Variants in RTTN observed in about 807,000 individuals in gnomAD.
RTTN encodes the protein rotatin.
In RTTN, 182 loss-of-function variants were observed where a neutral mutation model predicts 269.2. The observed-to-expected ratio is 0.68, with a 90% CI of 0.60 to 0.76. The LOEUF (loss-of-function observed/expected upper bound fraction) is 0.76. Among genes scored for constraint, RTTN ranks in the 30% least tolerant of loss-of-function variants. The pLI is 0.00. For synonymous variants in RTTN, 1,006 were observed against 963.5 expected, an observed-to-expected ratio of 1.04 and a Z score of -0.82; for missense variants, 2,545 against 2,608.6, an observed-to-expected ratio of 0.98 and a Z score of 0.53.
intron 27 of RTTN, among the ~76,000 whole-genome samples, chr18:70,110,453 C>T (rs995728602): frequency 2.6e-5 from 4 of 152,050 alleles, no homozygotes; most frequent in Admixed American, 6.6e-5. Context: ...ACCTGGGAAG[C>T]GCAAGGGGTC....
At chr18:70,085,250 G>C (rs558028802) in intron 32 of RTTN, among the ~76,000 whole-genome samples, 1 of 152,104 alleles carries the variant, frequency 6.6e-6, no homozygotes, top group Admixed American at 6.5e-5. Context: ...TTACAACATG[G>C]AAAGTAGATA....
At chr18:70,164,098 A>G (rs1405200506) in intron 14 of RTTN, among the ~76,000 whole-genome samples, 1 of 152,216 alleles carries the variant, frequency 6.6e-6, no homozygotes, top group Non-Finnish European at 1.5e-5. Context: ...TTTAATGACT[A>G]TAAAGTTTCA....
chr18:70,108,201 C>T (rs555128450), intron 28 of RTTN, among the ~76,000 whole-genome samples: 3 of 151,938 alleles, frequency 2.0e-5, no homozygotes, highest in African/African-American at 7.2e-5. Flanking sequence ...CACTTGAACC[C>T]GGGAGGCAGA....
Position 70,140,109 on chromosome 18 carries a change from T to C in RTTN, c.2661A>G (p.Gln887=). 6.3e-7 allele frequency: 1 copy of C among 1,590,894 alleles called. No homozygotes were observed. Among genetic ancestry groups the C allele is most frequent in the Non-Finnish European group, 8.6e-7 (1 of 1,159,952 alleles). The change falls in exon 20 of 49, where the codon CAA becomes CAG. Residue 887 remains glutamine, a synonymous_variant. Coordinates refer to ENST00000640769, the MANE Select transcript of RTTN (RefSeq NM_173630.4). The part of the protein sequence containing the change: ...IIEYLNECVS[Q]DGKVVECLVQ... ...TGCACATTAGCCTTACCTTGCCATC[T>C]TGACTCACACATTCATTTAAATACT...
chr18:70,016,834 T>G (rs2056553525), intron 46 of RTTN, among the ~76,000 whole-genome samples: 1 of 151,800 alleles, frequency 6.6e-6, no homozygotes, highest in African/African-American at 2.4e-5. Context: ...GTGCTACACA[T>G]AAACAAAGCA....
intron 14 of RTTN, among the ~76,000 whole-genome samples, chr18:70,161,424 G>C (rs1011696313): frequency 2.0e-5 from 3 of 151,928 alleles, no homozygotes; most frequent in Admixed American, 2.0e-4. Flanking sequence ...ACAGGTCTTG[G>C]AAAATATTTC....
In RTTN at chr18:70,041,609, T is replaced by A. The variant is rs138817546; in HGVS notation, c.5541+6362A>T. On this transcript the variant is annotated intron_variant, in intron 40 of 48. Coordinates refer to ENST00000640769, the MANE Select transcript of RTTN (RefSeq NM_173630.4). ...TCTAAAATGCAGTTACATGCCCAGA[T>A]CCTGCCCGCCAGCCACCAGTTTCTA... Among the ~76,000 whole-genome samples, 84 of 152,244 alleles carry A rather than the reference T, an allele frequency of 5.5e-4. No homozygotes were observed. In the East Asian group the frequency reaches 0.014, roughly 26 times the overall value.
Position 70,086,694 on chromosome 18 carries a change from T to TAAAAAAA in RTTN, c.4303-17_4303-11dup, listed in dbSNP as rs531741265. The TAAAAAAA allele has an allele frequency of 1.2e-5, 6 of 487,818 alleles. No individual in the cohort carries two copies. The highest frequency in any genetic ancestry group is 9.2e-5 in the African/African-American group (2 of 21,704). 30.2% of individuals were successfully genotyped at this position (487,818 alleles called of 1,614,324 possible). A position where few individuals can be genotyped will look rare whatever the true frequency, so the allele number is the denominator to read the frequency against. On this transcript the variant is annotated splice_polypyrimidine_tract_variant and intron_variant, in intron 31 of 48. Transcript: ENST00000640769. ...GAAGAATAAATGCCGCCTGAAAATG[T>TAAAAAAA]AAAAAAAAAAAAAAAAAAAAAAAAA...
intron 11 of RTTN, 55 bp downstream of exon 11, chr18:70,176,620 A>C: frequency 6.8e-7 from 1 of 1,470,568 alleles, no homozygotes; most frequent in South Asian, 1.5e-5. Flanking sequence ...TTTACAACAG[A>C]GCATTTATTT....
chr18:70,194,913 T>C (rs1055274930), intron 7 of RTTN, among the ~76,000 whole-genome samples: 5 of 152,206 alleles, frequency 3.3e-5, no homozygotes, highest in African/African-American at 4.8e-5. Context: ...TGTCACTATA[T>C]TGTATACTTA....
At chr18:70,134,447 G>C (rs1185228173) in intron 23 of RTTN, 26 bp downstream of exon 23, 2 of 1,529,402 alleles carry the variant, frequency 1.3e-6, no homozygotes, top group Admixed American at 3.6e-5. Context: ...CGTCCTTCAA[G>C]AAAATCAGAG....
chr18:70,138,529 C>A (rs759472358), intron 21 of RTTN: 1 of 151,934 alleles, frequency 6.6e-6, no homozygotes, highest in Non-Finnish European at 1.5e-5. Flanking sequence ...AAACCAGGAA[C>A]TAAATTCAAG....
At chr18:70,160,658 A>G (rs1415808990) in intron 14 of RTTN, among the ~76,000 whole-genome samples, 22 of 6,424 alleles carry the variant, frequency 3.4e-3, no homozygotes, top group African/African-American at 3.8e-3. Context: ...TCTATACCTG[A>G]AAAAAAAAAA....
chr18:70,205,052 C>G, intron 2 of RTTN, 76 bp downstream of exon 2: 3 of 1,444,174 alleles, frequency 2.1e-6, no homozygotes, highest in Non-Finnish European at 2.8e-6. Context: ...ATTTAACTTT[C>G]AATAAACGCT....
intron 30 of RTTN, chr18:70,091,465 T>C (rs1599485893): frequency 6.6e-6 from 1 of 150,476 alleles, no homozygotes; most frequent in Non-Finnish European, 1.5e-5. Context: ...CTCCCTCCCC[T>C]GCCCCACATG....
intron 23 of RTTN, among the ~76,000 whole-genome samples, chr18:70,133,160 G>T (rs992909204): frequency 4.6e-5 from 7 of 152,124 alleles, no homozygotes; most frequent in Non-Finnish European, 8.8e-5. Context: ...GGGACATGAG[G>T]CTTCCAAGCC....
At chr18:70,186,482 G>A (rs1040072484) in intron 10 of RTTN, among the ~76,000 whole-genome samples, 5 of 152,142 alleles carry the variant, frequency 3.3e-5, no homozygotes, top group Admixed American at 6.5e-5. Context: ...AGCCGGGCGC[G>A]GTGGCTCGCA....
At chr18:70,114,309 C>G in intron 27 of RTTN, 136 bp downstream of exon 27, 1 of 878,638 alleles carries the variant, frequency 1.1e-6, no homozygotes, top group Non-Finnish European at 1.7e-6. Context: ...AAACAGAACA[C>G]TATAACTGAT....
chr18:70,028,083 G>T lies in RTTN; in HGVS notation c.5823+641C>A, dbSNP rs141471673. Among the ~76,000 whole-genome samples, 1,298 of 152,132 alleles carry T rather than the reference G, an allele frequency of 8.5e-3. 17 individuals are homozygous for T. Among genetic ancestry groups the T allele is most frequent in the Middle Eastern group, 0.02 (6 of 294 alleles). ...AATAATCTAGTATTTCTGCATTAAAGCATCAATCTAGTATTTCAAAAGTGT... is the reference window on the plus strand; with the variant it reads ...AATAATCTAGTATTTCTGCATTAAATCATCAATCTAGTATTTCAAAAGTGT... On this transcript the variant is annotated intron_variant, in intron 43 of 48. Coordinates refer to ENST00000640769, the MANE Select transcript of RTTN (RefSeq NM_173630.4).
Sources: allele counts gnomAD v4.1 joint callset (sites outside exome capture counted in the v4.1 genomes callset), GRCh38; gene constraint gnomAD v4.1.1; transcripts MANE v1.5; gene names NCBI Gene and HGNC (gene_info 2026-07-23, HGNC 2026-07-21).